The following MRPS10 variants were observed in gnomAD, a reference collection of about 807,000 sequenced individuals.
MRPS10 encodes mitochondrial ribosomal protein S10, also known as small ribosomal subunit protein uS10m.
A neutral mutation model predicts 27.5 loss-of-function variants in MRPS10; 23 were observed. The observed-to-expected ratio is 0.84, with a 90% CI of 0.60 to 1.18. The LOEUF is 1.18. Ranked by LOEUF, MRPS10 falls within the 50% of genes most tolerant of loss-of-function variation. The pLI, the probability that MRPS10 is intolerant of heterozygous loss-of-function variation, is 0.00. For missense variants in MRPS10, 237 were observed against 240.1 expected (o/e 0.99, Z 0.09); for synonymous variants, 88 against 84.2 (o/e 1.04, Z -0.25).
intron 1 of MRPS10, among the ~76,000 whole-genome samples, chr6:42,216,262 T>TC (rs1439625440): frequency 3.3e-5 from 5 of 151,088 alleles, no homozygotes; most frequent in African/African-American, 1.2e-4. Context: ...GATCTCGTGA[T>TC]CCGCCCACCT....
chr6:42,212,468 ATTTT>A (rs200613318), intron 3 of MRPS10, among the ~76,000 whole-genome samples: 8 of 152,202 alleles, frequency 5.3e-5, no homozygotes, highest in African/African-American at 1.9e-4. Flanking sequence ...TTCTATTCAT[ATTTT>A]TTATTAGGTT....
intron 1 of MRPS10, 68 bp downstream of exon 1, chr6:42,217,734 T>C: frequency 1.3e-6 from 2 of 1,534,330 alleles, no homozygotes; most frequent in South Asian, 1.1e-5. Context: ...GCAGAGCGGC[T>C]GGTGGCAGGG....
intron 1 of MRPS10, among the ~76,000 whole-genome samples, chr6:42,215,325 G>A (rs553743635): frequency 3.1e-4 from 40 of 128,286 alleles, no homozygotes; most frequent in African/African-American, 1.1e-3. Context: ...GGGAGGCGGA[G>A]GTCCAGGCTG....
In MRPS10 at chr6:42,216,385, A is replaced by AGAGAGAGAGAGAGAGAGAGTGTGT; in HGVS notation, c.48+1416_48+1417insACACACTCTCTCTCTCTCTCTCTC. 3.9e-3 allele frequency among the ~76,000 whole-genome samples: 230 copies of AGAGAGAGAGAGAGAGAGAGTGTGT among 58,636 alleles called. 5 individuals are homozygous for AGAGAGAGAGAGAGAGAGAGTGTGT. Among genetic ancestry groups the AGAGAGAGAGAGAGAGAGAGTGTGT allele is most frequent in the Middle Eastern group, 0.023 (3 of 130 alleles). 38.5% of individuals were successfully genotyped at this position (58,636 alleles called of 152,430 possible). On this transcript the variant is annotated intron_variant, in intron 1 of 6. Coordinates refer to ENST00000053468, the MANE Select transcript of MRPS10 (RefSeq NM_018141.4). ...GAGAGAGAGAGAGAGAGAGAGAGAG[A>AGAGAGAGAGAGAGAGAGAGTGTGT]GTGTGTGTGTGTGTGTGTGTGTGTG...
intron 1 of MRPS10, among the ~76,000 whole-genome samples, chr6:42,216,924 A>T (rs908617827): frequency 2.0e-5 from 3 of 152,172 alleles, no homozygotes; most frequent in Non-Finnish European, 2.9e-5. Context: ...CATAAAACCA[A>T]AACGTCATTT....
At chr6:42,214,030 A>T in intron 3 of MRPS10, 90 bp downstream of exon 3, 2 of 1,089,774 alleles carry the variant, frequency 1.8e-6, no homozygotes, top group Non-Finnish European at 2.7e-6. Context: ...TTTTATTCAT[A>T]GAGTGTTTGG....
rs145984818 is a variant in MRPS10, at chr6:42,216,109, C to T, written c.48+1693G>A. On this transcript the variant is annotated intron_variant, in intron 1 of 6. Transcript: ENST00000053468. ...AGCATTCTCAGCTCACTGAAACCTC[C>T]GCCTCCTGGGTTCAAGCAAGTCTCC... Among the ~76,000 whole-genome samples the T allele has an allele frequency of 8.4e-3, 1,252 of 148,300 alleles. 16 individuals carry two copies. The highest frequency in any genetic ancestry group is 0.029 in the African/African-American group (1,169 of 40,494).
chr6:42,215,117 C>T (rs937190520), intron 1 of MRPS10, among the ~76,000 whole-genome samples: 1 of 151,964 alleles, frequency 6.6e-6, no homozygotes, highest in African/African-American at 2.4e-5. Flanking sequence ...GGCCAGGTGC[C>T]GTGGCTCACA....
intron 3 of MRPS10, among the ~76,000 whole-genome samples, chr6:42,212,892 G>A (rs1389137099): frequency 6.6e-6 from 1 of 152,186 alleles, no homozygotes; most frequent in African/African-American, 2.4e-5. Flanking sequence ...GGTGTTAAAA[G>A]ATACTTTGAA....
In MRPS10 at chr6:42,217,736, G is replaced by T. The variant is rs1768982050; in HGVS notation, c.48+66C>A. Reference sequence around the variant, plus strand: ...AAAATCCTGATGGGCAGAGCGGCTGGTGGCAGGGAAACTTAAAAGCAACTA... The same window carrying T: ...AAAATCCTGATGGGCAGAGCGGCTGTTGGCAGGGAAACTTAAAAGCAACTA... On this transcript the variant is annotated intron_variant, in intron 1 of 6. Coordinates refer to ENST00000053468, the MANE Select transcript of MRPS10 (RefSeq NM_018141.4). 2.6e-6 allele frequency: 4 copies of T among 1,540,834 alleles called. No homozygotes were observed. In the Admixed American group the frequency reaches 5.1e-5, roughly 20 times the overall value.
Position 42,214,319 on chromosome 6 carries a change from G to A in MRPS10, c.74C>T (p.Thr25Ile), listed in dbSNP as rs760857902. The A allele has an allele frequency of 1.2e-6, 2 of 1,611,166 alleles. No homozygotes were observed. Among genetic ancestry groups the A allele is most frequent in the South Asian group, 2.2e-5 (2 of 90,488 alleles). The change falls in exon 2 of 7, where the codon ACT (threonine) becomes ATT (isoleucine). Residue 25 changes from threonine to isoleucine, a missense_variant. By Grantham distance (89) the Thr-to-Ile change is moderately conservative. This residue lies in a region of MRPS10 where 164 missense variants were observed against 137.8 expected (regional missense o/e 1.19). Coordinates refer to ENST00000053468, the MANE Select transcript of MRPS10 (RefSeq NM_018141.4). Reference protein sequence around the residue: ...WQGLGNFSVNTSKGNTAKNGG... With the variant: ...WQGLGNFSVNISKGNTAKNGG... Reference sequence around the variant, plus strand: ...ATTTTTGGCTGTATTGCCCTTAGAAGTGTTTACAGAAAAATTCCCCAATCC... The same window carrying A: ...ATTTTTGGCTGTATTGCCCTTAGAAATGTTTACAGAAAAATTCCCCAATCC...
chr6:42,214,264 C>T lies in MRPS10; in HGVS notation c.113+16G>A, dbSNP rs1768859107. The T allele has an allele frequency of 6.2e-7, 1 of 1,611,154 alleles. No individual in the cohort carries two copies. Among genetic ancestry groups the T allele is most frequent in the South Asian group, 1.1e-5 (1 of 90,876 alleles). ...ACCTATTTTGTTCAATTTAGCACAT[C>T]CAATTGTATACTTACAGAAGCAAGC... On this transcript the variant is annotated intron_variant, in intron 2 of 6. Transcript: ENST00000053468.
intron 3 of MRPS10, among the ~76,000 whole-genome samples, chr6:42,212,390 A>G (rs909240862): frequency 6.6e-6 from 1 of 152,252 alleles, no homozygotes; most frequent in Non-Finnish European, 1.5e-5. Flanking sequence ...TTCTCTAAGA[A>G]AAAAATAAGA....
intron 1 of MRPS10, among the ~76,000 whole-genome samples, chr6:42,216,383 A>AGTGTGTGT (rs763994848): frequency 0.12 from 5,727 of 45,962 alleles, 278 homozygotes; most frequent in Non-Finnish European, 0.2. Flanking sequence ...AGAGAGAGAG[A>AGTGTGTGT]GAGTGTGTGT....
chr6:42,215,471 CTG>C (rs1471541329), intron 1 of MRPS10, among the ~76,000 whole-genome samples: 3 of 151,744 alleles, frequency 2.0e-5, no homozygotes, highest in Non-Finnish European at 4.4e-5. Flanking sequence ...AGGTCTCACT[CTG>C]TTATCCAGGC....
intron 6 of MRPS10, 42 bp from the exon 7 acceptor site, chr6:42,208,414 G>C (rs758084040): frequency 5.0e-6 from 7 of 1,398,536 alleles, no homozygotes; most frequent in Non-Finnish European, 7.0e-6. Context: ...GGATTTAACA[G>C]AACTCTTTGA....
intron 1 of MRPS10, among the ~76,000 whole-genome samples, chr6:42,214,625 T>C (rs1272073829): frequency 1.7e-5 from 2 of 116,322 alleles, no homozygotes; most frequent in Admixed American, 9.2e-5. Flanking sequence ...CTATGAATTA[T>C]GTGGACATCA....
At position 42,211,776 on chromosome 6, in the gene MRPS10, C is replaced by T. The variant is rs1205961781; in HGVS notation, c.323+5G>A. 5 of 1,609,810 alleles carry T rather than the reference C, an allele frequency of 3.1e-6. No individual in the cohort carries two copies. The highest frequency in any genetic ancestry group is 4.2e-6 in the Non-Finnish European group (5 of 1,178,100). The stretch of plus-strand genomic sequence containing the variant: ...ACAGGTCGGGTCAGGAAAGGCCATA[C>T]TCACACTTTAATAGAGATACCAAGT... On this transcript the variant is annotated splice_donor_5th_base_variant and intron_variant, in intron 4 of 6. Transcript: ENST00000053468.
rs115587120 is a variant in MRPS10, at chr6:42,217,514, C to T, written c.48+288G>A. Among the ~76,000 whole-genome samples, 1,253 of 152,286 alleles carry T rather than the reference C, an allele frequency of 8.2e-3. 15 individuals are homozygous for T. The highest frequency in any genetic ancestry group is 0.029 in the African/African-American group (1,188 of 41,556). ...CTTCTCTGAGCCTCAGTTTATTTTGCAAGCGTGAAAGGAGGGGTTTTGGAA... is the reference window on the plus strand; with the variant it reads ...CTTCTCTGAGCCTCAGTTTATTTTGTAAGCGTGAAAGGAGGGGTTTTGGAA... On this transcript the variant is annotated intron_variant, in intron 1 of 6. Coordinates refer to ENST00000053468, the MANE Select transcript of MRPS10 (RefSeq NM_018141.4).
Sources: allele counts gnomAD v4.1 joint callset (sites outside exome capture counted in the v4.1 genomes callset), GRCh38; gene constraint gnomAD v4.1.1; regional missense constraint gnomAD v4.1.1; transcripts MANE v1.5; gene names NCBI Gene and HGNC (gene_info 2026-07-23, HGNC 2026-07-21).